MSRA: variants seen among roughly 807,000 people sequenced by gnomAD.
MSRA encodes the protein methionine sulfoxide reductase A.
In MSRA, 54 loss-of-function variants were observed where a neutral mutation model predicts 31.3. That is an observed-to-expected ratio of 1.73 (90% CI 1.39 to 2.17). MSRA has a LOEUF of 2.17. Among genes scored for constraint, MSRA ranks in the 30% most tolerant of loss-of-function variants. MSRA has a pLI of 0.00. For missense variants in MSRA, 507 were observed against 300.9 expected, an observed-to-expected ratio of 1.69 and a Z score of -5.07; for synonymous variants, 169 against 116.5, an observed-to-expected ratio of 1.45 and a Z score of -2.90.
chr8:10,363,732 C>T (rs1804989371), intron 5 of MSRA, among the ~76,000 whole-genome samples: 1 of 29,668 alleles, frequency 3.4e-5, no homozygotes, highest in Non-Finnish European at 1.0e-4. Flanking sequence ...AAGCAAGATG[C>T]AGTCACCACA....
intron 4 of MSRA, among the ~76,000 whole-genome samples, chr8:10,315,574 T>C (rs1801665501): frequency 6.6e-6 from 1 of 152,256 alleles, no homozygotes; most frequent in Non-Finnish European, 1.5e-5. Flanking sequence ...TACAAAGGTA[T>C]AATATGTCGA....
intron 1 of MSRA, among the ~76,000 whole-genome samples, chr8:10,205,438 G>A (rs1808875104): frequency 6.6e-6 from 1 of 152,116 alleles, no homozygotes; most frequent in Non-Finnish European, 1.5e-5. Flanking sequence ...CATTCCCAAA[G>A]GTGGGGGATG....
Position 10,283,836 on chromosome 8 carries a change from T to TATATATATATAC in MSRA, c.332-17697_332-17696insTATATATATACA, listed in dbSNP as rs1261287031. ...ATATATATATATATATATATATATATACACACACACACACACACACACACA... is the reference window on the plus strand; with the variant it reads ...ATATATATATATATATATATATATATATATATATATACACACACACACACACACACACACACA... On this transcript the variant is annotated intron_variant, in intron 3 of 5. Coordinates refer to ENST00000317173, the MANE Select transcript of MSRA (RefSeq NM_012331.5). 7.7e-3 allele frequency among the ~76,000 whole-genome samples: 408 copies of TATATATATATAC among 53,036 alleles called. 5 individuals are homozygous for TATATATATATAC. Among genetic ancestry groups the TATATATATATAC allele is most frequent in the African/African-American group, 0.011 (128 of 11,514 alleles). 34.8% of individuals were successfully genotyped at this position (53,036 alleles called of 152,430 possible).
At chr8:10,120,672 A>C (rs1299039618) in intron 1 of MSRA, among the ~76,000 whole-genome samples, 1 of 152,180 alleles carries the variant, frequency 6.6e-6, no homozygotes, top group Non-Finnish European at 1.5e-5. Flanking sequence ...ACAGTAGGGG[A>C]GATGATCATG....
At chr8:10,133,649 A>G (rs1317191331) in intron 1 of MSRA, among the ~76,000 whole-genome samples, 2 of 152,192 alleles carry the variant, frequency 1.3e-5, no homozygotes, top group Admixed American at 6.5e-5. Flanking sequence ...TCACAGGGTT[A>G]TTGTTAGGCT....
At chr8:10,103,443 T>A (rs995928754) in intron 1 of MSRA, among the ~76,000 whole-genome samples, 1 of 152,210 alleles carries the variant, frequency 6.6e-6, no homozygotes, top group Non-Finnish European at 1.5e-5. Context: ...ACTTACTAAC[T>A]GGATAATCTT....
At chr8:10,110,923 C>T (rs1800231659) in intron 1 of MSRA, among the ~76,000 whole-genome samples, 1 of 152,168 alleles carries the variant, frequency 6.6e-6, no homozygotes, top group Admixed American at 6.5e-5. Context: ...TGGTTTTTCT[C>T]CTAACCATCT....
At chr8:10,237,918 A>C (rs1402649158) in intron 2 of MSRA, among the ~76,000 whole-genome samples, 1 of 152,096 alleles carries the variant, frequency 6.6e-6, no homozygotes, top group Non-Finnish European at 1.5e-5. Flanking sequence ...TGCTTGGTTC[A>C]CTCTAGTCTA....
chr8:10,188,349 T>G (rs576021264), intron 1 of MSRA, among the ~76,000 whole-genome samples: 1 of 152,364 alleles, frequency 6.6e-6, no homozygotes, highest in South Asian at 2.1e-4. Context: ...AGAAACTTCC[T>G]CATGTTATCG....
chr8:10,151,451 G>A (rs1222310396), intron 1 of MSRA, among the ~76,000 whole-genome samples: 2 of 151,786 alleles, frequency 1.3e-5, no homozygotes, highest in African/African-American at 4.8e-5. Context: ...AGACCATCCT[G>A]GCTAACATGG....
rs76938152 is a variant in MSRA at position 10,060,971 on chromosome 8, A to T, written c.142+6313A>T. ...TAGAAAACAGTTTTCCTTTTAGAAA[A>T]GTTTTCCCCAATGTGTGATTAATTT... On this transcript the variant is annotated intron_variant, in intron 1 of 5. Coordinates refer to ENST00000317173, the MANE Select transcript of MSRA (RefSeq NM_012331.5). Among the ~76,000 whole-genome samples, 294 of 152,284 alleles carry T rather than the reference A, an allele frequency of 1.9e-3. 5 individuals carry two copies. The East Asian group carries it at 0.053, about 27-fold the overall frequency.
intron 5 of MSRA, among the ~76,000 whole-genome samples, chr8:10,408,570 T>C (rs961751159): frequency 6.6e-6 from 1 of 152,090 alleles, no homozygotes; most frequent in Non-Finnish European, 1.5e-5. Flanking sequence ...GAGTAGGTAA[T>C]AAAAAAATCC....
intron 2 of MSRA, among the ~76,000 whole-genome samples, chr8:10,231,639 A>T (rs939343071): frequency 1.8e-4 from 27 of 152,238 alleles, no homozygotes; most frequent in African/African-American, 6.5e-4. Context: ...GCAGTGGCTC[A>T]CGCCTGTAAT....
intron 1 of MSRA, 121 bp downstream of exon 1, chr8:10,054,779 T>C: frequency 1.7e-6 from 2 of 1,176,748 alleles, no homozygotes; most frequent in Non-Finnish European, 2.2e-6. Flanking sequence ...GGTCGCGGGG[T>C]GGGGGTCTGC....
At chr8:10,079,484 A>T (rs1283694666) in intron 1 of MSRA, among the ~76,000 whole-genome samples, 2 of 152,116 alleles carry the variant, frequency 1.3e-5, no homozygotes, top group Admixed American at 6.5e-5. Flanking sequence ...AAAGCTCATT[A>T]ATTACAGGAA....
At chr8:10,076,461 G>T (rs185530467) in intron 1 of MSRA, among the ~76,000 whole-genome samples, 2 of 152,188 alleles carry the variant, frequency 1.3e-5, no homozygotes, top group African/African-American at 4.8e-5. Flanking sequence ...AAGCAGGAAG[G>T]TTGATTATTA....
intron 5 of MSRA, among the ~76,000 whole-genome samples, chr8:10,381,796 G>A (rs921594831): frequency 6.6e-6 from 1 of 152,184 alleles, no homozygotes; most frequent in African/African-American, 2.4e-5. Flanking sequence ...CTTCCGTGGA[G>A]ATCAAGGAGC....
chr8:10,156,990 C>T (rs536194458), intron 1 of MSRA, among the ~76,000 whole-genome samples: 13 of 151,726 alleles, frequency 8.6e-5, no homozygotes, highest in African/African-American at 2.9e-4. Flanking sequence ...AAGTCTTCTC[C>T]ATTCTTCATC....
At chr8:10,197,241 G>T (rs1808071963) in intron 1 of MSRA, among the ~76,000 whole-genome samples, 1 of 152,144 alleles carries the variant, frequency 6.6e-6, no homozygotes, top group African/African-American at 2.4e-5. Flanking sequence ...ATCAATTAAT[G>T]TAATATTATA....
Sources: allele counts gnomAD v4.1 joint callset (sites outside exome capture counted in the v4.1 genomes callset), GRCh38; gene constraint gnomAD v4.1.1; transcripts MANE v1.5; gene names NCBI Gene and HGNC (gene_info 2026-07-23, HGNC 2026-07-21).